Variants in CLEC9A observed in about 807,000 individuals in gnomAD.
CLEC9A encodes C-type lectin domain family 9 member A.
Under a neutral mutation model 30.0 loss-of-function variants are expected in CLEC9A, and 24 were observed. That is an observed-to-expected ratio of 0.80 (90% confidence interval 0.58 to 1.13). The LOEUF (loss-of-function observed/expected upper bound fraction) is 1.13, where lower values mean the gene tolerates loss of function less well. CLEC9A is among the 50% of genes most tolerant of loss of function. The probability of loss-of-function intolerance (pLI) is 0.00; values close to 1 mark genes in which losing one functional copy is unlikely to be tolerated. For missense variants in CLEC9A, 251 were observed against 280.9 expected (o/e 0.89, Z 0.76); for synonymous variants, 111 against 96.8 (o/e 1.15, Z -0.86).
At chr12:10,047,309 A>T (rs548351719) in intron 2 of CLEC9A, among the ~76,000 whole-genome samples, 3 of 152,380 alleles carry the variant, frequency 2.0e-5, no homozygotes, top group South Asian at 4.1e-4. Flanking sequence ...ATGGAAAAGC[A>T]TATGTTCATA....
At chr12:10,040,210 G>C (rs78064987) in intron 1 of CLEC9A, among the ~76,000 whole-genome samples, 19 of 152,136 alleles carry the variant, frequency 1.2e-4, no homozygotes, top group Admixed American at 1.3e-4. Context: ...AACAGAAAAT[G>C]AGTTCCTTCA....
At chr12:10,040,894 A>G in intron 1 of CLEC9A, 1 of 212,208 alleles carries the variant, frequency 4.7e-6, no homozygotes. Context: ...AAAATCTCTC[A>G]GGAACTCTGC....
rs1446011451 is a variant in CLEC9A, at chr12:10,047,390, T to C, written c.-162-4601T>C. Among the ~76,000 whole-genome samples, 2 of 152,256 alleles carry C rather than the reference T, an allele frequency of 1.3e-5. 1 individual carries two copies. The highest frequency in any genetic ancestry group is 4.8e-5 in the African/African-American group (2 of 41,472). On this transcript the variant is annotated intron_variant, in intron 2 of 8. Transcript: ENST00000355819. ...ATGGCAACAATACAATTTAAAAATG[T>C]AAGCCAATCAAACTGTGCCTACAAA...
chr12:10,063,280 A>C, intron 7 of CLEC9A, 74 bp downstream of exon 7: 64 of 1,319,518 alleles, frequency 4.9e-5, no homozygotes, highest in Non-Finnish European at 5.8e-5. Context: ...CCTCATTCTC[A>C]TAAGACAAAA....
intron 2 of CLEC9A, among the ~76,000 whole-genome samples, chr12:10,050,978 G>A (rs908056817): frequency 6.6e-6 from 1 of 152,138 alleles, no homozygotes; most frequent in Non-Finnish European, 1.5e-5. Context: ...GCCGAGGAAG[G>A]CGGATCACCT....
chr12:10,034,619 TG>T (rs1291522489), intron 1 of CLEC9A, among the ~76,000 whole-genome samples: 5 of 152,222 alleles, frequency 3.3e-5, no homozygotes, highest in Non-Finnish European at 5.9e-5. Flanking sequence ...GAAACATGCC[TG>T]GGACTTCCAC....
chr12:10,064,796 A>G lies in CLEC9A; in HGVS notation c.536A>G (p.Gln179Arg), dbSNP rs757764433. The change falls in exon 8 of 9, where the codon CAG (glutamine) becomes CGG (arginine). Residue 179 changes from glutamine (Q) to arginine (R), a missense_variant. Coordinates refer to ENST00000355819, the MANE Select transcript of CLEC9A (RefSeq NM_207345.4). The part of the protein sequence containing the change: ...GSYDYWVGLS[Q>R]DGHSGRWLWQ... ...TATGATTACTGGGTGGGGTTGTCTC[A>G]GGATGGACACAGCGGACGCTGGCTT... 5 of 1,613,690 alleles carry G rather than the reference A, an allele frequency of 3.1e-6. No homozygotes were observed. In the Admixed American group the frequency reaches 8.3e-5, roughly 27 times the overall value.
intron 2 of CLEC9A, among the ~76,000 whole-genome samples, chr12:10,046,281 G>A (rs1033200162): frequency 6.6e-6 from 1 of 152,014 alleles, no homozygotes; most frequent in Non-Finnish European, 1.5e-5. Flanking sequence ...TATTACCATC[G>A]CCAACCCCAG....
chr12:10,048,222 A>G (rs1459720279), intron 2 of CLEC9A, among the ~76,000 whole-genome samples: 1 of 146,634 alleles, frequency 6.8e-6, no homozygotes, highest in African/African-American at 2.5e-5. Flanking sequence ...CCTGGGCGAC[A>G]GAGCGAGACT....
chr12:10,055,113 T>G (rs1208062733), intron 5 of CLEC9A, among the ~76,000 whole-genome samples: 1 of 152,190 alleles, frequency 6.6e-6, no homozygotes, highest in African/African-American at 2.4e-5. Context: ...TTTCTGCTGG[T>G]TTTTAGAGGA....
chr12:10,045,738 G>A (rs1865840824), intron 2 of CLEC9A: 2 of 197,480 alleles, frequency 1.0e-5, no homozygotes, highest in Non-Finnish European at 2.2e-5. Flanking sequence ...TTCTTCCTTT[G>A]ATGTCATTTT....
intron 5 of CLEC9A, among the ~76,000 whole-genome samples, chr12:10,057,424 C>T (rs2137311501): frequency 6.6e-6 from 1 of 151,920 alleles, no homozygotes; most frequent in Non-Finnish European, 1.5e-5. Context: ...AGTATCATAA[C>T]ATGAACATAA....
chr12:10,041,616 T>A lies in CLEC9A; in HGVS notation c.-167T>A, dbSNP rs1865798477. The A allele has an allele frequency of 1.9e-5, 10 of 530,878 alleles. No homozygotes were observed. The highest frequency in any genetic ancestry group is 3.8e-5 in the Non-Finnish European group (10 of 262,016). 32.9% of individuals were successfully genotyped at this position (530,878 alleles called of 1,614,324 possible). A position where few individuals can be genotyped will look rare whatever the true frequency, so the allele number is the denominator to read the frequency against. ...CTCCTGAAGACTGACAACCAGAACA[T>A]TCTGGTAAGAAGATTCTTATGTCAA... On this transcript the variant is annotated 5_prime_UTR_variant, in exon 2 of 9. Transcript: ENST00000355819.
chr12:10,042,450 G>A (rs913325530), intron 2 of CLEC9A, among the ~76,000 whole-genome samples: 1 of 152,160 alleles, frequency 6.6e-6, no homozygotes, highest in Non-Finnish European at 1.5e-5. Context: ...ATAAACATTT[G>A]TCCTCCATTT....
chr12:10,037,280 C>T (rs978763237), intron 1 of CLEC9A, among the ~76,000 whole-genome samples: 1 of 152,216 alleles, frequency 6.6e-6, no homozygotes, highest in South Asian at 2.1e-4. Context: ...AGGAATAGGG[C>T]GGGCTCACTG....
chr12:10,038,429 A>C (rs1348542739), intron 1 of CLEC9A, among the ~76,000 whole-genome samples: 1 of 152,258 alleles, frequency 6.6e-6, no homozygotes, highest in Non-Finnish European at 1.5e-5. Context: ...TGTACAAGCT[A>C]TGCCAAAAGG....
intron 2 of CLEC9A, among the ~76,000 whole-genome samples, chr12:10,048,801 G>C (rs865787187): frequency 2.8e-5 from 4 of 143,958 alleles, no homozygotes; most frequent in Admixed American, 6.7e-5. Flanking sequence ...TCATCCATGA[G>C]GGTTGGAGTC....
At chr12:10,057,185 T>G (rs763371306) in intron 5 of CLEC9A, among the ~76,000 whole-genome samples, 26 of 152,240 alleles carry the variant, frequency 1.7e-4, no homozygotes, top group Non-Finnish European at 2.9e-4. Flanking sequence ...CAGATTATGT[T>G]ATAGCCAGTA....
At position 10,064,950 on chromosome 12, in the gene CLEC9A, A is replaced by G. The variant is rs535493886; in HGVS notation, c.593+97A>G. On this transcript the variant is annotated intron_variant, in intron 8 of 8. Coordinates refer to ENST00000355819, the MANE Select transcript of CLEC9A (RefSeq NM_207345.4). ...TACCATGAATTTTCTCCAAGGGACA[A>G]GCAGCATGATAATGTTACAGGCGGC... The G allele has an allele frequency of 1.7e-4, 242 of 1,419,740 alleles. 1 individual carries two copies. The South Asian group carries it at 3.5e-3, about 20-fold the overall frequency. The allele number at this position is 1,419,740 out of a possible 1,614,324, so 87.9% of individuals were successfully genotyped here. A position where few individuals can be genotyped will look rare whatever the true frequency, so the allele number is the denominator to read the frequency against.
Sources: gnomAD v4.1 joint callset for allele counts (sites outside exome capture counted in the v4.1 genomes callset) on GRCh38, gnomAD v4.1.1 for gene constraint, MANE v1.5 for transcripts, NCBI Gene and HGNC (gene_info 2026-07-23, HGNC 2026-07-21) for gene names.